The following B3GAT1 variants were observed in gnomAD, a reference collection of about 807,000 sequenced individuals.
B3GAT1 encodes beta-1,3-glucuronyltransferase 1.
In B3GAT1, 11 loss-of-function variants were observed where a neutral mutation model predicts 28.4. That is an observed-to-expected ratio of 0.39 (90% confidence interval 0.24 to 0.64). The LOEUF (loss-of-function observed/expected upper bound fraction) is 0.64. Ranked by LOEUF, B3GAT1 falls within the 30% of genes least tolerant of loss-of-function variation. B3GAT1 has a pLI of 0.50. For missense variants in B3GAT1, 375 were observed against 491.0 expected (o/e 0.76, Z 2.23); for synonymous variants, 255 against 223.1 (o/e 1.14, Z -1.27).
rs537357916 is a variant in B3GAT1, at chr11:134,393,010, T to C, written c.-281-5070A>G. 4.6e-5 allele frequency among the ~76,000 whole-genome samples: 7 copies of C among 152,222 alleles called. No individual in the cohort carries two copies. Among genetic ancestry groups the C allele is most frequent in the African/African-American group, 1.7e-4 (7 of 41,536 alleles). On this transcript the variant is annotated intron_variant, in intron 1 of 5. Coordinates refer to ENST00000312527, the MANE Select transcript of B3GAT1 (RefSeq NM_054025.3). This position sits in a 1 kb window ranked among gnomAD's most constrained non-coding sequence, Gnocchi z 4.0. ...TCCAGGGTGGGGAAGCTTTGCTCAGTCCAGAGCGGAAGAGACGACACAGCT... is the reference window on the plus strand; with the variant it reads ...TCCAGGGTGGGGAAGCTTTGCTCAGCCCAGAGCGGAAGAGACGACACAGCT...
intron 3 of B3GAT1, among the ~76,000 whole-genome samples, chr11:134,383,237 T>C (rs1259864036): frequency 6.6e-6 from 1 of 152,126 alleles, no homozygotes; most frequent in Non-Finnish European, 1.5e-5. Context: ...GACGGCCTGG[T>C]CTTCCCCTTC....
At chr11:134,386,787 ATGTG>A (rs1340044870) in intron 2 of B3GAT1, 1 of 152,260 alleles carries the variant, frequency 6.6e-6, no homozygotes, top group East Asian at 1.9e-4. Flanking sequence ...CTTTCTGTGT[ATGTG>A]TGTGTATTAA....
chr11:134,381,501 C>T (rs958365822), intron 5 of B3GAT1: 13 of 181,454 alleles, frequency 7.2e-5, no homozygotes, highest in African/African-American at 2.8e-4. Flanking sequence ...CTATGACAGC[C>T]GTGGGCTCAT....
intron 1 of B3GAT1, among the ~76,000 whole-genome samples, chr11:134,401,709 G>GT (rs1311510888): frequency 8.5e-5 from 13 of 152,050 alleles, no homozygotes; most frequent in African/African-American, 2.7e-4. Flanking sequence ...ACCTGCACAT[G>GT]TACCACTGAA....
Position 134,400,375 on chromosome 11 carries a change from G to T in B3GAT1, c.-282+11432C>A, listed in dbSNP as rs191132645. Among the ~76,000 whole-genome samples the T allele has an allele frequency of 3.3e-4, 50 of 152,308 alleles. 1 individual carries two copies. Among genetic ancestry groups the T allele is most frequent in the Admixed American group, 1.2e-3 (19 of 15,296 alleles). On this transcript the variant is annotated intron_variant, in intron 1 of 5. Coordinates refer to ENST00000312527, the MANE Select transcript of B3GAT1 (RefSeq NM_054025.3). Reference sequence around the variant, plus strand: ...GCTATGCCAATATCCCTGTGACTCAGTTTCCTCACCTTTAACTCTCACAGG... The same window carrying T: ...GCTATGCCAATATCCCTGTGACTCATTTTCCTCACCTTTAACTCTCACAGG...
intron 3 of B3GAT1, 100 bp downstream of exon 3, chr11:134,383,580 T>C (rs1591633207): frequency 7.1e-7 from 1 of 1,403,070 alleles, no homozygotes; most frequent in Non-Finnish European, 9.3e-7. Context: ...CTTCCCGGGT[T>C]CCCCCTGCGC....
chr11:134,399,264 G>T (rs1004255999), intron 1 of B3GAT1, among the ~76,000 whole-genome samples: 15 of 152,188 alleles, frequency 9.9e-5, no homozygotes, highest in Non-Finnish European at 1.9e-4. Flanking sequence ...ACCACGCCAG[G>T]ATTTGGGTCC....
At position 134,379,433 on chromosome 11, in the gene B3GAT1, A is replaced by AG. The variant is rs1269604785; in HGVS notation, c.*1328dup. On this transcript the variant is annotated 3_prime_UTR_variant, in exon 6 of 6. Transcript: ENST00000312527. ...CACCACTAGAGAGCCCGGCTGGGCC[A>AG]GGGGGTCAGAGCCCTTTCCAGTGGG... is the stretch of plus-strand genomic sequence containing the variant. 2 of 152,482 alleles carry AG rather than the reference A, an allele frequency of 1.3e-5. No homozygotes were observed. Among genetic ancestry groups the AG allele is most frequent in the Non-Finnish European group, 2.9e-5 (2 of 68,022 alleles). The allele number at this position is 152,482 out of a possible 1,614,324, so 9.4% of individuals were successfully genotyped here. A position where few individuals can be genotyped will look rare whatever the true frequency, so the allele number is the denominator to read the frequency against.
intron 1 of B3GAT1, among the ~76,000 whole-genome samples, chr11:134,396,066 T>A (rs1944498976): frequency 6.6e-6 from 1 of 152,112 alleles, no homozygotes; most frequent in African/African-American, 2.4e-5. Flanking sequence ...GCCACTTACT[T>A]CGTCAATCCA....
intron 1 of B3GAT1, among the ~76,000 whole-genome samples, chr11:134,399,193 C>T (rs1944561505): frequency 6.6e-6 from 1 of 152,236 alleles, no homozygotes; most frequent in African/African-American, 2.4e-5. Flanking sequence ...AGCCTCACCT[C>T]ACCTGTTGGA....
intron 1 of B3GAT1, among the ~76,000 whole-genome samples, chr11:134,402,267 C>A (rs929393969): frequency 1.3e-5 from 2 of 152,278 alleles, no homozygotes; most frequent in South Asian, 4.1e-4. Context: ...GCTTCCCTCC[C>A]GTCACCCTGC....
intron 1 of B3GAT1, among the ~76,000 whole-genome samples, chr11:134,397,625 G>A (rs1375600621): frequency 6.6e-6 from 1 of 152,180 alleles, no homozygotes. Flanking sequence ...ATGCCAGAGG[G>A]CAGTGCCCCA....
In B3GAT1 at chr11:134,411,562, A is replaced by C. The variant is rs1043872977; in HGVS notation, c.-282+245T>G. Among the ~76,000 whole-genome samples, 2 of 151,982 alleles carry C rather than the reference A, an allele frequency of 1.3e-5. No individual in the cohort carries two copies. Among genetic ancestry groups the C allele is most frequent in the Non-Finnish European group, 2.9e-5 (2 of 67,970 alleles). Reference sequence around the variant, plus strand: ...CCAGCTCTTCCCCTAATCCCGGTCGACGAGGGCAGGCTGTGCCGGGTTTTG... The same window carrying C: ...CCAGCTCTTCCCCTAATCCCGGTCGCCGAGGGCAGGCTGTGCCGGGTTTTG... On this transcript the variant is annotated intron_variant, in intron 1 of 5. Transcript: ENST00000312527. This position sits in a 1 kb window ranked among gnomAD's most constrained non-coding sequence, Gnocchi z 6.0.
intron 1 of B3GAT1, among the ~76,000 whole-genome samples, chr11:134,402,932 G>A (rs902121192): frequency 2.0e-5 from 3 of 150,896 alleles, no homozygotes; most frequent in African/African-American, 7.3e-5. Flanking sequence ...AAAAAAAGTC[G>A]AAGGGGCTTG....
chr11:134,383,654 C>T lies in B3GAT1; in HGVS notation c.621+26G>A, dbSNP rs755285955. Reference sequence around the variant, plus strand: ...CCACTCCCCGCAGCCGGAGGTCCCGCTGCTCACTGTCGGGCCCTCCCTCAC... The same window carrying T: ...CCACTCCCCGCAGCCGGAGGTCCCGTTGCTCACTGTCGGGCCCTCCCTCAC... On this transcript the variant is annotated intron_variant, in intron 3 of 5. Transcript: ENST00000312527. The T allele has an allele frequency of 1.1e-5, 17 of 1,520,180 alleles. No individual in the cohort carries two copies. The African/African-American group carries it at 2.2e-4, about 20-fold the overall frequency. The allele number at this position is 1,520,180 out of a possible 1,614,324, so 94.2% of individuals were successfully genotyped here.
At chr11:134,396,602 C>T (rs1162004754) in intron 1 of B3GAT1, among the ~76,000 whole-genome samples, 2 of 151,920 alleles carry the variant, frequency 1.3e-5, no homozygotes, top group Non-Finnish European at 2.9e-5. Flanking sequence ...CTGCTCCTAC[C>T]ACTAGGCTGT....
chr11:134,383,544 T>C, intron 3 of B3GAT1, 136 bp downstream of exon 3: 1 of 1,207,332 alleles, frequency 8.3e-7, no homozygotes, highest in Non-Finnish European at 1.1e-6. Flanking sequence ...CCTGGCTCTC[T>C]GCTGCCTGCC....
At chr11:134,404,703 G>A (rs1944694094) in intron 1 of B3GAT1, among the ~76,000 whole-genome samples, 1 of 152,214 alleles carries the variant, frequency 6.6e-6, no homozygotes, top group African/African-American at 2.4e-5. Flanking sequence ...ACGCCCCACT[G>A]ACAGCCTGCA....
At chr11:134,394,220 C>T (rs917344497) in intron 1 of B3GAT1, among the ~76,000 whole-genome samples, 1 of 152,236 alleles carries the variant, frequency 6.6e-6, no homozygotes, top group Non-Finnish European at 1.5e-5. Context: ...CTGAATCTTA[C>T]ATTGAAACAG....
Sources: allele counts gnomAD v4.1 joint callset (sites outside exome capture counted in the v4.1 genomes callset), GRCh38; gene constraint gnomAD v4.1.1; non-coding constraint Gnocchi (gnomAD v3.1); transcripts MANE v1.5; gene names NCBI Gene and HGNC (gene_info 2026-07-23, HGNC 2026-07-21).